TFB2M: variants seen among roughly 807,000 people sequenced by gnomAD.
TFB2M encodes dimethyladenosine transferase 2, mitochondrial.
A neutral mutation model predicts 41.3 loss-of-function variants in TFB2M; 44 were observed. That is an observed-to-expected ratio of 1.07 (90% CI 0.84 to 1.37). The LOEUF is 1.37. Ranked by LOEUF, TFB2M falls within the 40% of genes most tolerant of loss-of-function variation. The pLI is 0.00. For missense variants in TFB2M, 496 were observed against 490.2 expected, an observed-to-expected ratio of 1.01 and a Z score of -0.11; for synonymous variants, 188 against 176.8, an observed-to-expected ratio of 1.06 and a Z score of -0.50.
chr1:246,540,807 T>A lies in TFB2M; in HGVS notation c.*224A>T. On this transcript the variant is annotated 3_prime_UTR_variant, in exon 8 of 8. Coordinates refer to ENST00000366514, the MANE Select transcript of TFB2M (RefSeq NM_022366.3). The stretch of plus-strand genomic sequence containing the variant: ...ACAAAACGAATTCAATCTGATCAAA[T>A]CCACAATTAATTGAAGTTTTCATTT... 2.3e-6 allele frequency: 1 copy of A among 425,722 alleles called. No individual in the cohort carries two copies. The highest frequency in any genetic ancestry group is 4.1e-6 in the Non-Finnish European group (1 of 241,512). 26.4% of individuals were successfully genotyped at this position (425,722 alleles called of 1,614,324 possible).
intron 4 of TFB2M, among the ~76,000 whole-genome samples, chr1:246,552,736 AT>A (rs761505547): frequency 7.0e-4 from 107 of 152,188 alleles, no homozygotes; most frequent in Non-Finnish European, 1.1e-3. Context: ...GTTAAAAAAA[AT>A]AATTATAATA....
At position 246,566,009 on chromosome 1, in the gene TFB2M, G is replaced by A. The variant is rs764820844; in HGVS notation, c.130C>T (p.Leu44Phe). ...KHLPARNHCG[L>F]SDSSPQLWPE... is the part of the protein sequence containing the mutation. Reference sequence around the variant, plus strand: ...CACAGCTGCGGAGAGGAGTCAGAGAGCCCACAGTGGTTCCTCGCCGGCAAA... The same window carrying A: ...CACAGCTGCGGAGAGGAGTCAGAGAACCCACAGTGGTTCCTCGCCGGCAAA... Residue 44 changes from leucine (L) to phenylalanine (F), a missense_variant, in exon 1 of 8, where the codon CTC (leucine) becomes TTC (phenylalanine). Coordinates refer to ENST00000366514, the MANE Select transcript of TFB2M (RefSeq NM_022366.3). 2.5e-6 allele frequency: 4 copies of A among 1,614,026 alleles called. No individual in the cohort carries two copies. The African/African-American group carries it at 5.3e-5, about 22-fold the overall frequency.
intron 4 of TFB2M, among the ~76,000 whole-genome samples, chr1:246,555,607 AC>A (rs1473030204): frequency 2.0e-5 from 3 of 152,032 alleles, no homozygotes; most frequent in Non-Finnish European, 4.4e-5. Context: ...AAAACAAAAA[AC>A]CCACAAAAAA....
rs562745510 is a variant in TFB2M, at chr1:246,565,056, C to T, written c.314-622G>A. On this transcript the variant is annotated intron_variant, in intron 1 of 7. Coordinates refer to ENST00000366514, the MANE Select transcript of TFB2M (RefSeq NM_022366.3). ...CACAGCAAAATAGATTGCCTCTAGC[C>T]TATCACTTCCTCACGGACTACACGG... 1.8e-4 allele frequency among the ~76,000 whole-genome samples: 27 copies of T among 152,294 alleles called. No individual in the cohort carries two copies. In the South Asian group the frequency reaches 5.2e-3, roughly 29 times the overall value.
At chr1:246,544,731 T>G in intron 6 of TFB2M, 50 bp from the exon 7 acceptor site, 1 of 1,507,496 alleles carries the variant, frequency 6.6e-7, no homozygotes, top group Non-Finnish European at 9.0e-7. Flanking sequence ...ATTGCCAGAG[T>G]AAGACATTGC....
chr1:246,566,229 G>C lies in TFB2M; in HGVS notation c.-91C>G. 1 of 1,360,906 alleles carries C rather than the reference G, an allele frequency of 7.3e-7. No individual in the cohort carries two copies. The highest frequency in any genetic ancestry group is 1.4e-5 in the South Asian group (1 of 71,730). The allele number at this position is 1,360,906 out of a possible 1,614,324, so 84.3% of individuals were successfully genotyped here. Reference sequence around the variant, plus strand: ...GGTATCCCACGTGGAACATTTTCTGGCGTCCGGGCCAGGTCAAGCGGAAGT... The same window carrying C: ...GGTATCCCACGTGGAACATTTTCTGCCGTCCGGGCCAGGTCAAGCGGAAGT... On this transcript the variant is annotated 5_prime_UTR_variant, in exon 1 of 8. Transcript: ENST00000366514.
At chr1:246,546,530 C>T (rs753462474) in intron 6 of TFB2M, among the ~76,000 whole-genome samples, 6 of 150,784 alleles carry the variant, frequency 4.0e-5, no homozygotes, top group Admixed American at 6.6e-5. Context: ...AGGAGAAACA[C>T]TTGAACTCGG....
At chr1:246,549,020 T>C (rs1412656548) in intron 5 of TFB2M, among the ~76,000 whole-genome samples, 3 of 152,202 alleles carry the variant, frequency 2.0e-5, no homozygotes, top group Non-Finnish European at 4.4e-5. Flanking sequence ...TGTTAGAACA[T>C]ATATGGAAAT....
At chr1:246,558,749 T>C (rs1056372262) in intron 2 of TFB2M, among the ~76,000 whole-genome samples, 1 of 152,214 alleles carries the variant, frequency 6.6e-6, no homozygotes, top group African/African-American at 2.4e-5. Context: ...ATCTCCATAA[T>C]TTTCATTTAC....
At chr1:246,559,629 A>G (rs879535222) in intron 2 of TFB2M, among the ~76,000 whole-genome samples, 1 of 152,186 alleles carries the variant, frequency 6.6e-6, no homozygotes, top group Non-Finnish European at 1.5e-5. Flanking sequence ...GAGGAAGGGA[A>G]AGACTGGGGG....
rs145781366 is a variant in TFB2M at position 246,564,382 on chromosome 1, C to T, written c.366G>A (p.Ala122=). The T allele has an allele frequency of 9.3e-6, 15 of 1,614,148 alleles. No individual in the cohort carries two copies. Among genetic ancestry groups the T allele is most frequent in the Middle Eastern group, 1.6e-4 (1 of 6,062 alleles). ...ALLEAGAKVV[A]LESDKTFIPH... ...GAATAAAAGTTTTGTCACTTTCGAG[C>T]GCAACCACTTTGGCACCAGCTTCAA... is the stretch of plus-strand genomic sequence containing the variant. Residue 122 remains alanine (A), a synonymous_variant, in exon 2 of 8, where the codon GCG becomes GCA. Coordinates refer to ENST00000366514, the MANE Select transcript of TFB2M (RefSeq NM_022366.3).
chr1:246,558,045 A>G (rs1659369775), intron 2 of TFB2M, among the ~76,000 whole-genome samples: 1 of 152,184 alleles, frequency 6.6e-6, no homozygotes, highest in Admixed American at 6.5e-5. Context: ...CCAAAATTTA[A>G]CAGAGGAAGT....
chr1:246,550,286 AT>A (rs1659137711), intron 5 of TFB2M, among the ~76,000 whole-genome samples: 1 of 152,206 alleles, frequency 6.6e-6, no homozygotes, highest in Admixed American at 6.5e-5. Context: ...TGAGAGTACA[AT>A]ATACAGTGCA....
intron 1 of TFB2M, among the ~76,000 whole-genome samples, chr1:246,564,781 GCGATTCTCCTGCCTCAGCCTCC>G (rs1659562627): frequency 6.6e-6 from 1 of 151,814 alleles, no homozygotes; most frequent in Non-Finnish European, 1.5e-5. Flanking sequence ...TTGGGTTCAA[GCGATTCTCCTGCCTCAGCCTCC>G]CGAGTAGCTG....
At chr1:246,564,527 C>G (rs1241813263) in intron 1 of TFB2M, 93 bp from the exon 2 acceptor site, 2 of 1,196,702 alleles carry the variant, frequency 1.7e-6, no homozygotes, top group Non-Finnish European at 2.4e-6. Flanking sequence ...ACGTTATTAC[C>G]TGGTTTTTAA....
chr1:246,547,113 A>T (rs1443128041), intron 6 of TFB2M, among the ~76,000 whole-genome samples: 1 of 151,650 alleles, frequency 6.6e-6, no homozygotes, highest in African/African-American at 2.4e-5. Flanking sequence ...CCTCCTGAGT[A>T]GCTGGGACTA....
chr1:246,541,643 G>T (rs956847815), intron 7 of TFB2M, among the ~76,000 whole-genome samples: 1 of 152,102 alleles, frequency 6.6e-6, no homozygotes, highest in African/African-American at 2.4e-5. Flanking sequence ...AGCAGGTTTA[G>T]GCTTTCACAT....
At position 246,564,373 on chromosome 1, in the gene TFB2M, A is replaced by G. The variant is rs967795653; in HGVS notation, c.375T>C (p.Ser125=). 1 of 1,614,074 alleles carries G rather than the reference A, an allele frequency of 6.2e-7. No homozygotes were observed. The highest frequency in any genetic ancestry group is 1.3e-5 in the African/African-American group (1 of 74,948). ...CCAAATGTGGAATAAAAGTTTTGTCACTTTCGAGCGCAACCACTTTGGCAC... is the reference window on the plus strand; with the variant it reads ...CCAAATGTGGAATAAAAGTTTTGTCGCTTTCGAGCGCAACCACTTTGGCAC... ...EAGAKVVALE[S]DKTFIPHLES... Residue 125 remains serine (S), a synonymous_variant, in exon 2 of 8, where the codon AGT becomes AGC. Transcript: ENST00000366514.
At chr1:246,563,033 C>G (rs1454551768) in intron 2 of TFB2M, among the ~76,000 whole-genome samples, 1 of 152,090 alleles carries the variant, frequency 6.6e-6, no homozygotes, top group Non-Finnish European at 1.5e-5. Flanking sequence ...GGTCCCTCAG[C>G]TGCTTCTGAT....
Sources: allele counts gnomAD v4.1 joint callset (sites outside exome capture counted in the v4.1 genomes callset), GRCh38; gene constraint gnomAD v4.1.1; transcripts MANE v1.5; gene names NCBI Gene and HGNC (gene_info 2026-07-23, HGNC 2026-07-21).